The following KCNG2 variants were observed in gnomAD, a reference collection of about 807,000 sequenced individuals.
KCNG2 encodes voltage-gated potassium channel regulatory subunit KCNG2.
In KCNG2, 7 loss-of-function variants were observed where a neutral mutation model predicts 12.3. The observed-to-expected ratio is 0.57, with a 90% CI of 0.32 to 1.07. KCNG2 has a LOEUF of 1.07. Ranked by LOEUF, KCNG2 falls within the 50% of genes least tolerant of loss-of-function variation. The pLI is 0.04. For missense variants in KCNG2, 703 were observed against 726.0 expected (o/e 0.97, Z 0.36); for synonymous variants, 414 against 351.4 (o/e 1.18, Z -1.99).
intron 3 of KCNG2, among the ~76,000 whole-genome samples, chr18:79,878,939 A>G (rs1053538954): frequency 2.6e-5 from 4 of 152,202 alleles, no homozygotes; most frequent in African/African-American, 4.8e-5. Context: ...CCCAGCAACA[A>G]TGGGAGAAAC....
At chr18:79,847,944 A>C (rs1440715231) in intron 1 of KCNG2, among the ~76,000 whole-genome samples, 1 of 152,210 alleles carries the variant, frequency 6.6e-6, no homozygotes, top group Admixed American at 6.5e-5. Flanking sequence ...ATGTGTATTT[A>C]GCCAGATTTA....
intron 2 of KCNG2, among the ~76,000 whole-genome samples, chr18:79,860,818 A>C (rs1171311769): frequency 6.6e-6 from 1 of 152,096 alleles, no homozygotes; most frequent in Non-Finnish European, 1.5e-5. Context: ...TCTCTTGCCT[A>C]ATTTTTCTGA....
chr18:79,855,529 A>G (rs1978979148), intron 1 of KCNG2, among the ~76,000 whole-genome samples: 1 of 151,944 alleles, frequency 6.6e-6, no homozygotes, highest in Non-Finnish European at 1.5e-5. Context: ...GTGCGTGATC[A>G]TGTCTTGGCT....
rs1030147407 is a variant in KCNG2 at position 79,822,864 on chromosome 18, T to TG, written c.-115+24854dup. 4.6e-5 allele frequency among the ~76,000 whole-genome samples: 7 copies of TG among 152,174 alleles called. No homozygotes were observed. Among genetic ancestry groups the TG allele is most frequent in the African/African-American group, 1.7e-4 (7 of 41,428 alleles). ...GAGCCCTTGTCTCCCCACGCTTCCG[T>TG]GGGGTTGTGGATTCCTTGTGAGGCA... is the stretch of plus-strand genomic sequence containing the variant. On this transcript the variant is annotated intron_variant, in intron 1 of 3. Coordinates refer to ENST00000316249, the MANE Select transcript of KCNG2 (RefSeq NM_012283.2). This position sits in a 1 kb window ranked among gnomAD's most constrained non-coding sequence, Gnocchi z 4.4.
At chr18:79,857,298 G>A (rs1023516884) in intron 2 of KCNG2, among the ~76,000 whole-genome samples, 5 of 149,336 alleles carry the variant, frequency 3.3e-5, no homozygotes, top group Admixed American at 1.3e-4. Flanking sequence ...CACAGCACAC[G>A]TGGTCCCGGT....
intron 3 of KCNG2, among the ~76,000 whole-genome samples, chr18:79,864,602 T>G (rs1306655492): frequency 6.6e-6 from 1 of 152,214 alleles, no homozygotes; most frequent in Non-Finnish European, 1.5e-5. Context: ...CCATCAGGCC[T>G]TCAAAGTTTG....
At chr18:79,819,663 C>A (rs1218535700) in intron 1 of KCNG2, among the ~76,000 whole-genome samples, 1 of 152,240 alleles carries the variant, frequency 6.6e-6, no homozygotes, top group African/African-American at 2.4e-5. Flanking sequence ...TAGAGGCCGT[C>A]CACCTCCCCT....
intron 3 of KCNG2, among the ~76,000 whole-genome samples, chr18:79,897,971 T>G (rs1301978797): frequency 1.3e-5 from 2 of 152,104 alleles, no homozygotes; most frequent in Non-Finnish European, 2.9e-5. Context: ...CTCCTTCTCA[T>G]TGCTTTCTGA....
At position 79,878,398 on chromosome 18, in the gene KCNG2, T is replaced by C. The variant is rs562188759; in HGVS notation, c.624+14107T>C. Among the ~76,000 whole-genome samples, 183 of 148,010 alleles carry C rather than the reference T, an allele frequency of 1.2e-3. 5 individuals carry two copies. Among genetic ancestry groups the C allele is most frequent in the African/African-American group, 4.5e-3 (180 of 39,648 alleles). On this transcript the variant is annotated intron_variant, in intron 3 of 3. Transcript: ENST00000316249. ...GTGGCAGTGTGCGGAGGGCGCCTGA[T>C]GCCACGTGGCAGTGTGCGGAGGGCG... is the stretch of plus-strand genomic sequence containing the variant.
intron 1 of KCNG2, among the ~76,000 whole-genome samples, chr18:79,819,835 A>G (rs2087558201): frequency 6.6e-6 from 1 of 152,222 alleles, no homozygotes; most frequent in South Asian, 2.1e-4. Context: ...GGAAATCTGT[A>G]ACCACTAAGC....
chr18:79,823,987 G>T (rs140256600), intron 1 of KCNG2, among the ~76,000 whole-genome samples: 67 of 152,240 alleles, frequency 4.4e-4, no homozygotes, highest in African/African-American at 1.5e-3. Flanking sequence ...TACTGTAAAT[G>T]GACTTTTTCT....
chr18:79,832,723 G>A (rs994358675), intron 1 of KCNG2, among the ~76,000 whole-genome samples: 1 of 152,168 alleles, frequency 6.6e-6, no homozygotes, highest in African/African-American at 2.4e-5. Context: ...CAGGACCCTC[G>A]GGCCACAGAC....
rs1424412836 is a variant in KCNG2 at position 79,822,980 on chromosome 18, G to T, written c.-115+24966G>T. Among the ~76,000 whole-genome samples the T allele has an allele frequency of 6.6e-6, 1 of 152,172 alleles. No individual in the cohort carries two copies. The highest frequency in any genetic ancestry group is 1.5e-5 in the Non-Finnish European group (1 of 68,028). Reference sequence around the variant, plus strand: ...TGTGGAGCACCCCAAGGCTTTAGGAGTCACTGCCTCTGGAAGGCCCTTCCC... The same window carrying T: ...TGTGGAGCACCCCAAGGCTTTAGGATTCACTGCCTCTGGAAGGCCCTTCCC... On this transcript the variant is annotated intron_variant, in intron 1 of 3. Coordinates refer to ENST00000316249, the MANE Select transcript of KCNG2 (RefSeq NM_012283.2). This position sits in a 1 kb window ranked among gnomAD's most constrained non-coding sequence, Gnocchi z 4.4.
At chr18:79,821,835 C>T (rs2087572777) in intron 1 of KCNG2, among the ~76,000 whole-genome samples, 1 of 152,240 alleles carries the variant, frequency 6.6e-6, no homozygotes, top group Non-Finnish European at 1.5e-5. Flanking sequence ...CATAGCTTGG[C>T]AGCACCTTTG....
chr18:79,852,885 G>C (rs141393921), intron 1 of KCNG2, among the ~76,000 whole-genome samples: 3 of 152,266 alleles, frequency 2.0e-5, no homozygotes, highest in Non-Finnish European at 2.9e-5. Flanking sequence ...AGCAATGTCC[G>C]TGTGGGGATG....
chr18:79,827,011 G>C (rs1319509702), intron 1 of KCNG2, among the ~76,000 whole-genome samples: 1 of 152,240 alleles, frequency 6.6e-6, no homozygotes, highest in African/African-American at 2.4e-5. Context: ...TTCTGTTCAG[G>C]ACGCTGAGCT....
At chr18:79,880,111 G>A (rs1378957046) in intron 3 of KCNG2, among the ~76,000 whole-genome samples, 1 of 152,150 alleles carries the variant, frequency 6.6e-6, no homozygotes, top group African/African-American at 2.4e-5. Context: ...AGAGGTTACA[G>A]TTATGGTGGT....
intron 3 of KCNG2, among the ~76,000 whole-genome samples, chr18:79,894,326 T>C (rs200357053): frequency 0.14 from 1,771 of 12,882 alleles, 4 homozygotes; most frequent in Middle Eastern, 0.21. Context: ...ATTGGGTCTG[T>C]GTCTGCTTTT....
chr18:79,876,945 T>A (rs1980097623), intron 3 of KCNG2, among the ~76,000 whole-genome samples: 1 of 152,186 alleles, frequency 6.6e-6, no homozygotes, highest in South Asian at 2.1e-4. Flanking sequence ...CTGTGCCGAT[T>A]TTCTCCAGAC....
Sources: allele counts gnomAD v4.1 joint callset (sites outside exome capture counted in the v4.1 genomes callset), GRCh38; gene constraint gnomAD v4.1.1; non-coding constraint Gnocchi (gnomAD v3.1); transcripts MANE v1.5; gene names NCBI Gene and HGNC (gene_info 2026-07-23, HGNC 2026-07-21).